MARCHF1: variants seen among roughly 807,000 people sequenced by gnomAD.
MARCHF1 encodes the protein membrane associated ring-CH-type finger 1.
A neutral mutation model predicts 54.2 loss-of-function variants in MARCHF1; 40 were observed. The ratio of observed to expected loss-of-function variants is 0.74; its 90% CI spans 0.57 to 0.96. The LOEUF (loss-of-function observed/expected upper bound fraction) is 0.96, where lower values mean the gene tolerates loss of function less well. Ranked by LOEUF, MARCHF1 falls within the 40% of genes least tolerant of loss-of-function variation. The probability of loss-of-function intolerance (pLI) is 0.00; values close to 1 mark genes in which losing one functional copy is unlikely to be tolerated. For missense variants in MARCHF1, 586 were observed against 656.5 expected (o/e 0.89, Z 1.17); for synonymous variants, 236 against 236.3 (o/e 1.00, Z 0.01).
At chr4:164,142,803 T>G (rs1460917194) in intron 1 of MARCHF1, among the ~76,000 whole-genome samples, 5 of 151,866 alleles carry the variant, frequency 3.3e-5, no homozygotes, top group Non-Finnish European at 4.4e-5. Context: ...TCACCAGCAA[T>G]GGAACAAAGC....
intron 2 of MARCHF1, among the ~76,000 whole-genome samples, chr4:164,088,136 T>C (rs1755227998): frequency 6.6e-6 from 1 of 152,114 alleles, no homozygotes; most frequent in African/African-American, 2.4e-5. Flanking sequence ...TGAAATAACG[T>C]TAAAAATGTG....
At chr4:164,095,256 A>T (rs76768258) in intron 2 of MARCHF1, among the ~76,000 whole-genome samples, 1,942 of 152,216 alleles carry the variant, frequency 0.013, 30 homozygotes, top group African/African-American at 0.041. Context: ...GGAACTTCAG[A>T]TAGTTACTTA....
At chr4:163,852,779 C>T (rs1040141491) in intron 4 of MARCHF1, among the ~76,000 whole-genome samples, 1 of 152,176 alleles carries the variant, frequency 6.6e-6, no homozygotes, top group Non-Finnish European at 1.5e-5. Flanking sequence ...TTCAAGGTCG[C>T]TATTTCTATG....
chr4:163,787,203 C>A (rs1292124144), intron 4 of MARCHF1, among the ~76,000 whole-genome samples: 3 of 151,334 alleles, frequency 2.0e-5, no homozygotes, highest in African/African-American at 7.3e-5. Context: ...GAAGCAAAGA[C>A]AACAAAAGAA....
intron 4 of MARCHF1, among the ~76,000 whole-genome samples, chr4:163,779,687 C>G (rs975349306): frequency 1.3e-5 from 2 of 151,978 alleles, no homozygotes; most frequent in Admixed American, 1.3e-4. Flanking sequence ...TTGCTCTGAA[C>G]TGAAGTTATT....
chr4:163,803,670 A>G (rs1388314194), intron 4 of MARCHF1, among the ~76,000 whole-genome samples: 1 of 152,218 alleles, frequency 6.6e-6, no homozygotes, highest in Non-Finnish European at 1.5e-5. Context: ...ACCTAGAGCT[A>G]AAGTCAGTTA....
chr4:163,832,803 T>C lies in MARCHF1; in HGVS notation c.111+21218A>G, dbSNP rs949625791. Among the ~76,000 whole-genome samples, 45 of 133,690 alleles carry C rather than the reference T, an allele frequency of 3.4e-4. 1 individual carries two copies. The East Asian group carries it at 0.01, about 30-fold the overall frequency. 87.7% of individuals were successfully genotyped at this position (133,690 alleles called of 152,430 possible). On this transcript the variant is annotated intron_variant, in intron 4 of 9. Transcript: ENST00000514618. ...CCCTTCCTGTGTCCATGTGTTCTCATTGTTCAATTCCCACCTACGAGTGAG... is the reference window on the plus strand; with the variant it reads ...CCCTTCCTGTGTCCATGTGTTCTCACTGTTCAATTCCCACCTACGAGTGAG...
intron 2 of MARCHF1, among the ~76,000 whole-genome samples, chr4:164,057,510 T>C (rs959039475): frequency 6.6e-6 from 1 of 152,222 alleles, no homozygotes; most frequent in African/African-American, 2.4e-5. Flanking sequence ...AGAATATATG[T>C]TTTGTGGCAC....
chr4:164,263,800 A>G (rs1170713946), intron 1 of MARCHF1, among the ~76,000 whole-genome samples: 3 of 152,198 alleles, frequency 2.0e-5, no homozygotes, highest in Non-Finnish European at 4.4e-5. Flanking sequence ...ATGAGATACC[A>G]TCTCACACCA....
chr4:163,827,928 T>G (rs1198523836), intron 4 of MARCHF1, among the ~76,000 whole-genome samples: 2 of 151,836 alleles, frequency 1.3e-5, no homozygotes, highest in South Asian at 4.2e-4. Flanking sequence ...AATGTGCCCA[T>G]AGACTGCATG....
At chr4:164,313,631 T>A (rs1053339852) in intron 1 of MARCHF1, among the ~76,000 whole-genome samples, 8 of 151,984 alleles carry the variant, frequency 5.3e-5, no homozygotes, top group Non-Finnish European at 1.0e-4. Context: ...TAAATAACAA[T>A]ATTAGCAGTT....
At chr4:163,717,509 C>T (rs187046684) in intron 4 of MARCHF1, among the ~76,000 whole-genome samples, 3,641 of 152,014 alleles carry the variant, frequency 0.024, 18 homozygotes, top group African/African-American at 0.081. Flanking sequence ...TGGGTATATA[C>T]GCAGTAATGG....
intron 2 of MARCHF1, among the ~76,000 whole-genome samples, chr4:164,057,078 C>T (rs1323007005): frequency 6.6e-6 from 1 of 152,164 alleles, no homozygotes; most frequent in Non-Finnish European, 1.5e-5. Flanking sequence ...ATTAAAAACA[C>T]TGTGACACAT....
Position 163,591,054 on chromosome 4 carries a change from AAT to A in MARCHF1, c.1011-5127_1011-5126del, listed in dbSNP as rs1265551194. Reference sequence around the variant, plus strand: ...TAAGTGACAATAATTATTAATAATCAATTATTTCATATGATTATTAATTAATT... The same window carrying A: ...TAAGTGACAATAATTATTAATAATCATATTTCATATGATTATTAATTAATT... On this transcript the variant is annotated intron_variant, in intron 7 of 9. Coordinates refer to ENST00000514618, the MANE Select transcript of MARCHF1 (RefSeq NM_001394959.1). 2.0e-5 allele frequency among the ~76,000 whole-genome samples: 3 copies of A among 151,358 alleles called. No individual in the cohort carries two copies. The East Asian group carries it at 5.8e-4, about 29-fold the overall frequency.
At chr4:164,324,808 T>G (rs1331027832) in intron 1 of MARCHF1, among the ~76,000 whole-genome samples, 2 of 151,278 alleles carry the variant, frequency 1.3e-5, no homozygotes, top group Non-Finnish European at 3.0e-5. Flanking sequence ...GAGGAAGAGA[T>G]CAAAAGAAGT....
chr4:163,612,955 G>A lies in MARCHF1; in HGVS notation c.326C>T (p.Ser109Phe). 6.5e-7 allele frequency: 1 copy of A among 1,534,674 alleles called. No individual in the cohort carries two copies. The change falls in exon 7 of 10, where the codon TCT becomes TTT. Residue 109 changes from serine (S) to phenylalanine (F), a missense_variant. Ser to Phe is a radical substitution (Grantham distance 155, BLOSUM62 -2). Around this residue, in one of 3 missense-constraint regions of MARCHF1, gnomAD observed 387 missense variants for 394.6 expected, o/e 0.98. Transcript: ENST00000514618. Reference protein sequence around the residue: ...VMVLSPARKESGKKSVIQRPR... With the variant: ...VMVLSPARKEFGKKSVIQRPR... ...TCTTTGTATTACTGATTTCTTACCA[G>A]ACTCCTTCCTAGCAGGGCTCAGCAC...
chr4:164,008,667 T>A (rs1277771324), intron 2 of MARCHF1, among the ~76,000 whole-genome samples: 2 of 151,868 alleles, frequency 1.3e-5, no homozygotes, highest in Non-Finnish European at 2.9e-5. Flanking sequence ...AAACTAGAAA[T>A]CAATAATAAG....
intron 1 of MARCHF1, among the ~76,000 whole-genome samples, chr4:164,318,685 T>G (rs757419533): frequency 1.2e-4 from 19 of 152,200 alleles, no homozygotes; most frequent in Non-Finnish European, 2.4e-4. Context: ...TTTCACAGAC[T>G]GTGGATTCTA....
At position 164,245,337 on chromosome 4, in the gene MARCHF1, A is replaced by G. The variant is rs1732913011; in HGVS notation, c.-322-133675T>C. Among the ~76,000 whole-genome samples the G allele has an allele frequency of 2.6e-5, 4 of 152,228 alleles. No individual in the cohort carries two copies. The South Asian group carries it at 8.3e-4, about 32-fold the overall frequency. On this transcript the variant is annotated intron_variant, in intron 1 of 9. Transcript: ENST00000514618. ...CGTAATCCAGCATATAAACAGAACC[A>G]AAGACAAAAACCACATGATTATCTC...
Sources: allele counts gnomAD v4.1 joint callset (sites outside exome capture counted in the v4.1 genomes callset), GRCh38; gene constraint gnomAD v4.1.1; regional missense constraint gnomAD v4.1.1; transcripts MANE v1.5; gene names NCBI Gene and HGNC (gene_info 2026-07-23, HGNC 2026-07-21).